Variants in CALN1 observed in about 807,000 individuals in gnomAD.
CALN1 encodes calcium-binding protein 8.
CALN1 carries 17 observed loss-of-function variants against 30.6 expected under a neutral mutation model. That is an observed-to-expected ratio of 0.56 (90% CI 0.38 to 0.83). The LOEUF (loss-of-function observed/expected upper bound fraction) is 0.83. CALN1 is among the 40% of genes least tolerant of loss of function. CALN1 has a pLI of 0.00. For synonymous variants in CALN1, 156 were observed against 131.4 expected, an observed-to-expected ratio of 1.19 and a Z score of -1.28; for missense variants, 291 against 354.9, an observed-to-expected ratio of 0.82 and a Z score of 1.45.
chr7:72,017,835 G>C (rs550022398), intron 5 of CALN1, among the ~76,000 whole-genome samples: 2 of 152,022 alleles, frequency 1.3e-5, no homozygotes, highest in African/African-American at 2.4e-5. Context: ...AGATGTTTTC[G>C]GCGTCACTCT....
chr7:72,085,360 T>C (rs531064410), intron 4 of CALN1, among the ~76,000 whole-genome samples: 2 of 152,322 alleles, frequency 1.3e-5, no homozygotes, highest in South Asian at 4.1e-4. Context: ...TAATAAGATA[T>C]GTTGACAGAA....
At chr7:72,487,728 A>AG in the CALN1 span, among the ~76,000 whole-genome samples, 4 of 83,918 alleles carry the variant, frequency 4.8e-5, no homozygotes, top group East Asian at 8.1e-4. Flanking sequence ...AAAGAAAGAA[A>AG]GAAAGAAAGG....
the CALN1 span, among the ~76,000 whole-genome samples, chr7:72,500,269 CTTTTTTTTTTT>C: frequency 0.031 from 1,613 of 51,274 alleles, 30 homozygotes; most frequent in Middle Eastern, 0.043. Flanking sequence ...TTCGTTCCTT[CTTTTTTTTTTT>C]TTTTTTTTTT....
intron 1 of CALN1, among the ~76,000 whole-genome samples, chr7:72,407,517 T>C (rs867062880): frequency 6.6e-6 from 1 of 152,194 alleles, no homozygotes; most frequent in Non-Finnish European, 1.5e-5. Context: ...CAAACAACTT[T>C]GCTGCTTCCC....
At chr7:72,362,554 A>C (rs1472552902) in intron 2 of CALN1, among the ~76,000 whole-genome samples, 1 of 151,984 alleles carries the variant, frequency 6.6e-6, no homozygotes, top group Non-Finnish European at 1.5e-5. Flanking sequence ...TAAAGATGCA[A>C]ATTCTTTCAC....
At chr7:72,213,528 C>T (rs3846985) in intron 3 of CALN1, among the ~76,000 whole-genome samples, 74,275 of 151,930 alleles carry the variant, frequency 0.49, 19,811 homozygotes, top group East Asian at 0.99. Context: ...GTGAGGGATG[C>T]GCATTGCTGT....
intron 5 of CALN1, among the ~76,000 whole-genome samples, chr7:71,831,588 A>G (rs189822078): frequency 6.6e-6 from 1 of 152,218 alleles, no homozygotes; most frequent in Admixed American, 6.5e-5. Context: ...TTTTGTGAGA[A>G]TTAAATAAAG....
At chr7:71,816,136 C>T (rs149598662) in intron 5 of CALN1, among the ~76,000 whole-genome samples, 7 of 151,776 alleles carry the variant, frequency 4.6e-5, no homozygotes, top group African/African-American at 1.7e-4. Flanking sequence ...GCTTGTTAAA[C>T]AATTTGTACC....
chr7:71,948,066 T>C (rs116311053), intron 5 of CALN1, among the ~76,000 whole-genome samples: 1,712 of 152,190 alleles, frequency 0.011, 31 homozygotes, highest in African/African-American at 0.039. Flanking sequence ...CAGGTGATAA[T>C]TATCTGCCAG....
chr7:72,476,266 C>A, the CALN1 span, among the ~76,000 whole-genome samples: 1 of 152,070 alleles, frequency 6.6e-6, no homozygotes, highest in Non-Finnish European at 1.5e-5. Flanking sequence ...CTCTTACATG[C>A]CGCCACGTAA....
intron 2 of CALN1, among the ~76,000 whole-genome samples, chr7:72,374,253 G>T (rs1051082228): frequency 1.3e-5 from 2 of 152,224 alleles, no homozygotes; most frequent in South Asian, 4.1e-4. Context: ...AGCAGGCTGG[G>T]TGCAGTGGCT....
chr7:71,942,820 G>A (rs955098374), intron 5 of CALN1, among the ~76,000 whole-genome samples: 10 of 152,050 alleles, frequency 6.6e-5, no homozygotes, highest in Non-Finnish European at 1.3e-4. Flanking sequence ...AACTGCTTAG[G>A]GCAAACCTGC....
In CALN1 at chr7:72,350,081, A is replaced by G. The variant is rs144059065; in HGVS notation, c.119+53170T>C. Among the ~76,000 whole-genome samples, 8 of 152,280 alleles carry G rather than the reference A, an allele frequency of 5.3e-5. No individual in the cohort carries two copies. The East Asian group carries it at 1.3e-3, about 26-fold the overall frequency. On this transcript the variant is annotated intron_variant, in intron 2 of 6. Coordinates refer to ENST00000395275, the MANE Select transcript of CALN1 (RefSeq NM_031468.4). ...TAGGCCCATAAACCCTTTAGGTTTT[A>G]TGTTTAAGCCTTCAATCCAGCTAGA...
intron 3 of CALN1, among the ~76,000 whole-genome samples, chr7:72,179,493 C>CT (rs1789602467): frequency 6.6e-6 from 1 of 152,178 alleles, no homozygotes; most frequent in South Asian, 2.1e-4. Flanking sequence ...AATGGAGAAT[C>CT]TTGTCTCATT....
chr7:72,106,020 G>A, intron 4 of CALN1, 131 bp downstream of exon 4: 1 of 1,258,990 alleles, frequency 7.9e-7, no homozygotes, highest in Non-Finnish European at 1.1e-6. Flanking sequence ...GCCTGTTCTA[G>A]TCCAAGTTTC....
intron 5 of CALN1, among the ~76,000 whole-genome samples, chr7:71,903,589 C>T (rs1372904893): frequency 1.3e-5 from 2 of 152,140 alleles, no homozygotes; most frequent in Non-Finnish European, 2.9e-5. Flanking sequence ...AGACCCAAAA[C>T]TATGAATTTA....
At position 72,119,210 on chromosome 7, in the gene CALN1, G is replaced by T. The variant is rs575268411; in HGVS notation, c.245-12916C>A. 2.0e-5 allele frequency among the ~76,000 whole-genome samples: 3 copies of T among 152,196 alleles called. No individual in the cohort carries two copies. In the East Asian group the frequency reaches 5.8e-4, roughly 29 times the overall value. On this transcript the variant is annotated intron_variant, in intron 3 of 6. Coordinates refer to ENST00000395275, the MANE Select transcript of CALN1 (RefSeq NM_031468.4). ...GACTGAGCAATTTACAAAAGAAAGA[G>T]GTTTAATTGACTTACAGTTCCACAT...
intron 4 of CALN1, among the ~76,000 whole-genome samples, chr7:72,056,525 T>C (rs1394364865): frequency 6.6e-6 from 1 of 152,114 alleles, no homozygotes; most frequent in Non-Finnish European, 1.5e-5. Context: ...GGCATTTTAC[T>C]CTAGAACATG....
At chr7:72,098,768 A>G (rs1323730747) in intron 4 of CALN1, among the ~76,000 whole-genome samples, 1 of 83,944 alleles carries the variant, frequency 1.2e-5, no homozygotes, top group Non-Finnish European at 3.2e-5. Flanking sequence ...TGGCGCGCAC[A>G]CACACACACA....
Sources: gnomAD v4.1 joint callset for allele counts (sites outside exome capture counted in the v4.1 genomes callset) on GRCh38, gnomAD v4.1.1 for gene constraint, MANE v1.5 for transcripts, NCBI Gene and HGNC (gene_info 2026-07-23, HGNC 2026-07-21) for gene names.